The following SEPTIN9 variants were observed in gnomAD, a reference collection of about 807,000 sequenced individuals.
The protein encoded by SEPTIN9 is septin 9.
SEPTIN9 carries 13 observed loss-of-function variants against 56.6 expected under a neutral mutation model. The observed-to-expected ratio is 0.23, with a 90% confidence interval of 0.15 to 0.37. SEPTIN9 has a LOEUF of 0.37. Among genes scored for constraint, SEPTIN9 ranks in the 10% least tolerant of loss-of-function variants. SEPTIN9 has a pLI of 1.00. For synonymous variants in SEPTIN9, 332 were observed against 334.1 expected, an observed-to-expected ratio of 0.99 and a Z score of 0.07; for missense variants, 650 against 823.1, an observed-to-expected ratio of 0.79 and a Z score of 2.57.
rs549945301 is a variant in SEPTIN9 at position 77,319,545 on chromosome 17, AG to A, written c.76+12354del. On this transcript the variant is annotated intron_variant, in intron 2 of 11. Transcript: ENST00000427177. This position sits in a 1 kb window ranked among gnomAD's most constrained non-coding sequence, Gnocchi z 5.3. ...CTGTCACTGCAGACTAATGGGACGG[AG>A]GGGGGTGACTTCTCAGGGTTCCTCC... 81 of 1,051,384 alleles carry A rather than the reference AG, an allele frequency of 7.7e-5. 1 individual carries two copies. In the South Asian group the frequency reaches 2.6e-3, roughly 33 times the overall value. The allele number at this position is 1,051,384 out of a possible 1,614,324, so 65.1% of individuals were successfully genotyped here.
chr17:77,482,296 G>A lies in SEPTIN9; in HGVS notation c.874G>A (p.Ala292Thr). 6.2e-7 allele frequency: 1 copy of A among 1,613,190 alleles called. No homozygotes were observed. Among genetic ancestry groups the A allele is most frequent in the Middle Eastern group, 1.6e-4 (1 of 6,062 alleles). Residue 292 changes from alanine (A) to threonine (T), a missense_variant, in exon 4 of 12, where the codon GCC becomes ACC. Ala to Thr is a moderately conservative substitution (Grantham distance 58, BLOSUM62 0). Around this residue, in one of 2 missense-constraint regions of SEPTIN9, gnomAD observed 333 missense variants for 494.0 expected, o/e 0.67. Transcript: ENST00000427177. ...CATCCTGGAGCAGATGCGCCGGAAG[G>A]CCATGAAGCAGGGCTTCGAGTTCAA... ...DSILEQMRRK[A>T]MKQGFEFNIM...
chr17:77,325,634 G>C (rs1335300400), intron 2 of SEPTIN9, among the ~76,000 whole-genome samples: 1 of 152,224 alleles, frequency 6.6e-6, no homozygotes, highest in African/African-American at 2.4e-5. Flanking sequence ...CTGCGTGTGA[G>C]ACCAGCTGTC....
At chr17:77,418,701 C>G (rs2036588932) in intron 3 of SEPTIN9, among the ~76,000 whole-genome samples, 1 of 152,178 alleles carries the variant, frequency 6.6e-6, no homozygotes, top group African/African-American at 2.4e-5. Context: ...TCCTCCTTTC[C>G]TCACGGCCCA....
chr17:77,394,899 C>T (rs574246243), intron 2 of SEPTIN9, among the ~76,000 whole-genome samples: 4 of 152,164 alleles, frequency 2.6e-5, no homozygotes, highest in Non-Finnish European at 5.9e-5. Flanking sequence ...GAGGGTGGCC[C>T]ACTGTGGCCT....
chr17:77,424,220 A>G (rs376277941), intron 3 of SEPTIN9, among the ~76,000 whole-genome samples: 1 of 134,044 alleles, frequency 7.5e-6, no homozygotes. Flanking sequence ...CAGAGAAGGC[A>G]CCGAGGCACA....
At position 77,498,506 on chromosome 17, in the gene SEPTIN9, GC is replaced by G. The variant is rs1555681757; in HGVS notation, c.1626-11del. ...CTGCGCCCACCTCACTGACCCGCCC[GC>G]CCCCCACCCCCACAGGACGCACATG... is the stretch of plus-strand genomic sequence containing the variant. On this transcript the variant is annotated splice_polypyrimidine_tract_variant and intron_variant, in intron 11 of 11. Coordinates refer to ENST00000427177, the MANE Select transcript of SEPTIN9 (RefSeq NM_001113491.2). 7.9e-6 allele frequency: 4 copies of G among 505,402 alleles called. No individual in the cohort carries two copies. Among genetic ancestry groups the G allele is most frequent in the South Asian group, 3.3e-5 (1 of 30,284 alleles). The allele number at this position is 505,402 out of a possible 1,614,324, so 31.3% of individuals were successfully genotyped here.
intron 2 of SEPTIN9, among the ~76,000 whole-genome samples, chr17:77,343,145 G>A (rs1251100220): frequency 6.6e-6 from 1 of 152,156 alleles, no homozygotes; most frequent in Non-Finnish European, 1.5e-5. Flanking sequence ...ACTGGTGGCT[G>A]GAGGCTCCTG....
chr17:77,401,498 C>T (rs1182346692), intron 2 of SEPTIN9, among the ~76,000 whole-genome samples: 2 of 152,164 alleles, frequency 1.3e-5, no homozygotes, highest in East Asian at 3.8e-4. Flanking sequence ...GTAATCCCAG[C>T]ACTTTGGGAG....
chr17:77,458,692 C>A (rs2038326060), intron 3 of SEPTIN9, among the ~76,000 whole-genome samples: 1 of 152,202 alleles, frequency 6.6e-6, no homozygotes, highest in African/African-American at 2.4e-5. Flanking sequence ...AAGGCCCAAC[C>A]ACATGGCAGC....
intron 2 of SEPTIN9, among the ~76,000 whole-genome samples, chr17:77,401,156 C>T (rs1473300512): frequency 1.3e-5 from 2 of 152,170 alleles, no homozygotes; most frequent in African/African-American, 4.8e-5. Context: ...CCCCGTGCCC[C>T]ACTTTCCCCA....
At chr17:77,441,191 C>G (rs2037535800) in intron 3 of SEPTIN9, among the ~76,000 whole-genome samples, 1 of 152,166 alleles carries the variant, frequency 6.6e-6, no homozygotes, top group Non-Finnish European at 1.5e-5. Context: ...ATGAGTGACA[C>G]TTTTGCCTGC....
chr17:77,331,550 G>T (rs2033360072), intron 2 of SEPTIN9, among the ~76,000 whole-genome samples: 1 of 152,214 alleles, frequency 6.6e-6, no homozygotes, highest in Non-Finnish European at 1.5e-5. Context: ...GCGAGGAAGG[G>T]GAGAGGAACT....
chr17:77,351,882 G>A (rs1045873531), intron 2 of SEPTIN9, among the ~76,000 whole-genome samples: 8 of 152,242 alleles, frequency 5.3e-5, no homozygotes, highest in Non-Finnish European at 7.3e-5. Flanking sequence ...GCCCCGACAT[G>A]GCAGGTGCTT....
In SEPTIN9 at chr17:77,476,106, G is replaced by A. The variant is rs2039203308; in HGVS notation, c.722-6038G>A. Among the ~76,000 whole-genome samples the A allele has an allele frequency of 6.6e-6, 1 of 152,180 alleles. No individual in the cohort carries two copies. The highest frequency in any genetic ancestry group is 2.4e-5 in the African/African-American group (1 of 41,440). ...CCCAGCGGCACCATCTCTGCATTTG[G>A]CCAGCAAGGCTGATGGGACTTGTGT... On this transcript the variant is annotated intron_variant, in intron 3 of 11. Transcript: ENST00000427177. The surrounding 1 kb of genome is among the most constrained non-coding windows in gnomAD (Gnocchi z 6.0).
intron 3 of SEPTIN9, among the ~76,000 whole-genome samples, chr17:77,452,923 C>G (rs1036544355): frequency 2.0e-5 from 3 of 150,666 alleles, no homozygotes; most frequent in Non-Finnish European, 1.5e-5. Context: ...CCTTGGGTCT[C>G]TTTTAGGCTG....
At chr17:77,294,608 T>G (rs533690385) in intron 1 of SEPTIN9, 1 of 159,812 alleles carries the variant, frequency 6.3e-6, no homozygotes, top group South Asian at 2.0e-4. Flanking sequence ...TAAATGTGAT[T>G]CCCATCAAGA....
Position 77,450,480 on chromosome 17 carries a change from A to G in SEPTIN9, c.722-31664A>G, listed in dbSNP as rs967915709. ...AAGCCCTCGGAACGAGCCCACTCCC[A>G]GGCGCTCTCTCCTAGTGTGGGAGTG... On this transcript the variant is annotated intron_variant, in intron 3 of 11. Coordinates refer to ENST00000427177, the MANE Select transcript of SEPTIN9 (RefSeq NM_001113491.2). The surrounding 1 kb of genome is among the most constrained non-coding windows in gnomAD (Gnocchi z 6.0). 1.0e-6 allele frequency: 1 copy of G among 985,362 alleles called. No homozygotes were observed. 61.0% of individuals were successfully genotyped at this position (985,362 alleles called of 1,614,324 possible).
Position 77,416,187 on chromosome 17 carries a change from T to G in SEPTIN9, c.721+13484T>G, listed in dbSNP as rs190007409. Among the ~76,000 whole-genome samples the G allele has an allele frequency of 2.5e-3, 384 of 152,300 alleles. 12 individuals carry two copies. In the South Asian group the frequency reaches 0.053, roughly 21 times the overall value. On this transcript the variant is annotated intron_variant, in intron 3 of 11. Coordinates refer to ENST00000427177, the MANE Select transcript of SEPTIN9 (RefSeq NM_001113491.2). The stretch of plus-strand genomic sequence containing the variant: ...GATTTTTTGGCACTGCCTTAACTTT[T>G]GCACCTGGACGAAGGCCTCACCCTA...
rs778715323 is a variant in SEPTIN9 at position 77,475,665 on chromosome 17, G to C, written c.722-6479G>C. 6.2e-7 allele frequency: 1 copy of C among 1,613,832 alleles called. No homozygotes were observed. The highest frequency in any genetic ancestry group is 1.1e-5 in the South Asian group (1 of 91,090). On this transcript the variant is annotated intron_variant, in intron 3 of 11. Transcript: ENST00000427177. This position sits in a 1 kb window ranked among gnomAD's most constrained non-coding sequence, Gnocchi z 4.6. ...GCATTGTTACGAGGCAAAGTAAGGA[G>C]ACTGCTGGGCCCACGCTGGGCCGGG...
Sources: gnomAD v4.1 joint callset for allele counts (sites outside exome capture counted in the v4.1 genomes callset) on GRCh38, gnomAD v4.1.1 for gene constraint, gnomAD v4.1.1 regional missense constraint, Gnocchi (gnomAD v3.1) non-coding constraint, MANE v1.5 for transcripts, NCBI Gene and HGNC (gene_info 2026-07-23, HGNC 2026-07-21) for gene names.